Variants in PTPN22 observed in about 807,000 individuals in gnomAD.
The protein encoded by PTPN22 is tyrosine-protein phosphatase non-receptor type 22.
In PTPN22, 85 loss-of-function variants were observed where a neutral mutation model predicts 103.3. The ratio of observed to expected loss-of-function variants is 0.82; its 90% confidence interval spans 0.69 to 0.99. The LOEUF (loss-of-function observed/expected upper bound fraction) is 0.99. Ranked by LOEUF, PTPN22 falls within the 50% of genes least tolerant of loss-of-function variation. The pLI, the probability that PTPN22 is intolerant of heterozygous loss-of-function variation, is 0.00. For synonymous variants in PTPN22, 323 were observed against 310.2 expected, an observed-to-expected ratio of 1.04 and a Z score of -0.43; for missense variants, 865 against 936.9, an observed-to-expected ratio of 0.92 and a Z score of 1.00.
In PTPN22 at chr1:113,871,529, G is replaced by A. The variant is rs758595603; in HGVS notation, c.87+8C>T. ...AACTACCCTGAGAGGGTCACATACA[G>A]GACTCACCAGAAATTCATTGGCAAA... On this transcript the variant is annotated splice_region_variant and intron_variant, in intron 1 of 20. Transcript: ENST00000359785. 6.2e-7 allele frequency: 1 copy of A among 1,612,794 alleles called. No homozygotes were observed. Among genetic ancestry groups the A allele is most frequent in the Admixed American group, 1.7e-5 (1 of 60,016 alleles).
chr1:113,867,874 G>C (rs759573033), intron 1 of PTPN22, among the ~76,000 whole-genome samples: 2 of 152,126 alleles, frequency 1.3e-5, no homozygotes, highest in South Asian at 2.1e-4. Context: ...CAGTATCTGT[G>C]GGGGACTGGT....
At position 113,834,981 on chromosome 1, in the gene PTPN22, CT is replaced by C. The variant is rs1410613456; in HGVS notation, c.1822del (p.Arg608GlyfsTer2). On this transcript the variant is annotated frameshift_variant, in exon 14 of 21. Coordinates refer to ENST00000359785, the Ensembl canonical transcript of PTPN22. LOFTEE classifies it high-confidence loss of function. ...TGGAGGGGGGATTTCATCATCTATC[CT>C]TGGAGCAGTTGCTATCCAAAATGTC... 6.4e-7 allele frequency: 1 copy of C among 1,559,350 alleles called. No individual in the cohort carries two copies. The highest frequency in any genetic ancestry group is 8.6e-7 in the Non-Finnish European group (1 of 1,157,678).
chr1:113,842,609 G>A (rs1476249057), intron 11 of PTPN22, among the ~76,000 whole-genome samples: 1 of 152,080 alleles, frequency 6.6e-6, no homozygotes, highest in Admixed American at 6.5e-5. Flanking sequence ...GGGAGGCAGA[G>A]GTTGCATTGA....
intron 1 of PTPN22, among the ~76,000 whole-genome samples, chr1:113,869,417 A>T (rs910437808): frequency 6.6e-6 from 1 of 150,740 alleles, no homozygotes; most frequent in Admixed American, 6.6e-5. Context: ...TTTTTGAGAC[A>T]GAAGTTCGCT....
In PTPN22 at chr1:113,867,408, A is replaced by C. The variant is rs1016703796; in HGVS notation, c.87+4129T>G. On this transcript the variant is annotated intron_variant, in intron 1 of 20. Coordinates refer to ENST00000359785, the Ensembl canonical transcript of PTPN22. ...GCTTAGGCCAATTATTTAACTTCTC[A>C]GAGCTTCAGTTTCCTCATTTGTAAG... is the stretch of plus-strand genomic sequence containing the variant. Among the ~76,000 whole-genome samples the C allele has an allele frequency of 3.9e-5, 6 of 152,202 alleles. No individual in the cohort carries two copies. The South Asian group carries it at 1.2e-3, about 31-fold the overall frequency.
chr1:113,867,503 A>C (rs1289750967), intron 1 of PTPN22, among the ~76,000 whole-genome samples: 1 of 152,192 alleles, frequency 6.6e-6, no homozygotes, highest in Non-Finnish European at 1.5e-5. Flanking sequence ...ATGAATGTTG[A>C]TGTTTCCTTG....
chr1:113,848,209 T>C (rs1330483334), intron 11 of PTPN22, among the ~76,000 whole-genome samples: 1 of 143,282 alleles, frequency 7.0e-6, no homozygotes, highest in Non-Finnish European at 1.6e-5. Flanking sequence ...CCACCACTCC[T>C]GGCTAAATTT....
intron 7 of PTPN22, among the ~76,000 whole-genome samples, chr1:113,855,933 G>A (rs1425778143): frequency 6.6e-6 from 1 of 152,184 alleles, no homozygotes; most frequent in Non-Finnish European, 1.5e-5. Context: ...TTCAGCTTCT[G>A]TTCACCCTAC....
intron 14 of PTPN22, 55 bp downstream of exon 14, chr1:113,834,855 A>G: frequency 7.4e-7 from 1 of 1,351,608 alleles, no homozygotes; most frequent in Non-Finnish European, 1.0e-6. Context: ...AATTAAAGGC[A>G]TGAGCCACCA....
At chr1:113,838,740 A>G in intron 11 of PTPN22, 120 bp from the exon 12 acceptor site, 1 of 1,414,814 alleles carries the variant, frequency 7.1e-7, no homozygotes, top group Non-Finnish European at 9.3e-7. Context: ...ATAATTCATG[A>G]AAGAGTTAGA....
intron 9 of PTPN22, among the ~76,000 whole-genome samples, 178 bp downstream of exon 9, chr1:113,854,293 C>A (rs1268225531): frequency 6.6e-6 from 1 of 152,156 alleles, no homozygotes; most frequent in Non-Finnish European, 1.5e-5. Context: ...TGTCTGGGGA[C>A]CACCCTTTAA....
intron 18 of PTPN22, among the ~76,000 whole-genome samples, chr1:113,825,613 G>C (rs1251555865): frequency 6.6e-6 from 1 of 152,172 alleles, no homozygotes; most frequent in African/African-American, 2.4e-5. Context: ...TTGATCCCAG[G>C]AGTTCAAGGC....
At chr1:113,831,996 G>A (rs773118090) in intron 16 of PTPN22, among the ~76,000 whole-genome samples, 13 of 152,052 alleles carry the variant, frequency 8.5e-5, no homozygotes, top group Non-Finnish European at 1.6e-4. Context: ...CAAGTACTAC[G>A]CTAAAAGCTT....
exon 1 of PTPN22, chr1:113,871,661 G>A (rs774149498): frequency 6.3e-7 from 1 of 1,581,772 alleles, no homozygotes; most frequent in Admixed American, 1.7e-5. Flanking sequence ...AGTAGGTTGA[G>A]GGAGGGCATG....
chr1:113,854,410 A>T, intron 9 of PTPN22, 61 bp downstream of exon 9: 1 of 1,459,326 alleles, frequency 6.9e-7, no homozygotes, highest in South Asian at 1.2e-5. Flanking sequence ...AAACCAAACA[A>T]TTACTAAGTA....
intron 3 of PTPN22, 23 bp downstream of exon 3, chr1:113,858,979 G>A (rs368167970): frequency 9.3e-6 from 15 of 1,609,156 alleles, no homozygotes; most frequent in Non-Finnish European, 1.3e-5. Flanking sequence ...AATATGGAAT[G>A]CTTTTATTTT....
chr1:113,858,483 C>A, exon 4 of PTPN22: 1 of 1,577,690 alleles, frequency 6.3e-7, no homozygotes, highest in Non-Finnish European at 8.7e-7. Context: ...CTTACAAGGA[C>A]ACTATATTCC....
intron 20 of PTPN22, among the ~76,000 whole-genome samples, chr1:113,815,207 T>C (rs546711995): frequency 1.3e-5 from 2 of 152,248 alleles, no homozygotes; most frequent in African/African-American, 4.8e-5. Flanking sequence ...TTAATAATGG[T>C]AATAATAGAA....
intron 1 of PTPN22, among the ~76,000 whole-genome samples, chr1:113,864,706 C>T (rs550927427): frequency 3.3e-5 from 5 of 150,294 alleles, no homozygotes; most frequent in South Asian, 4.2e-4. Context: ...GTCGGGAGAT[C>T]GAGAGACCAT....
Sources: gnomAD v4.1 joint callset for allele counts (sites outside exome capture counted in the v4.1 genomes callset) on GRCh38, gnomAD v4.1.1 for gene constraint, MANE v1.5 for transcripts, NCBI Gene and HGNC (gene_info 2026-07-23, HGNC 2026-07-21) for gene names.